ZNF420: variants seen among roughly 807,000 people sequenced by gnomAD.
The protein encoded by ZNF420 is ATM and p53-associated KZNF protein.
Under a neutral mutation model 44.7 loss-of-function variants are expected in ZNF420, and 31 were observed. That is an observed-to-expected ratio of 0.69 (90% CI 0.52 to 0.94). ZNF420 has a LOEUF of 0.94. Ranked by LOEUF, ZNF420 falls within the 40% of genes least tolerant of loss-of-function variation. The probability of loss-of-function intolerance (pLI) is 0.00; values close to 1 mark genes in which losing one functional copy is unlikely to be tolerated. For missense variants in ZNF420, 681 were observed against 827.9 expected, an observed-to-expected ratio of 0.82 and a Z score of 2.18; for synonymous variants, 245 against 267.4, an observed-to-expected ratio of 0.92 and a Z score of 0.82.
At chr19:37,099,674 A>G (rs1969653777) in intron 4 of ZNF420, among the ~76,000 whole-genome samples, 1 of 152,042 alleles carries the variant, frequency 6.6e-6, no homozygotes, top group East Asian at 1.9e-4. Context: ...CCCAGGCTGG[A>G]GTGCAGTGGT....
intron 4 of ZNF420, among the ~76,000 whole-genome samples, chr19:37,096,369 G>A (rs774427999): frequency 1.3e-5 from 2 of 152,038 alleles, no homozygotes; most frequent in Non-Finnish European, 2.9e-5. Flanking sequence ...GGGGACTCTT[G>A]TGTAATGATG....
intron 4 of ZNF420, among the ~76,000 whole-genome samples, chr19:37,125,992 CCT>C (rs1971325420): frequency 6.6e-6 from 1 of 152,148 alleles, no homozygotes; most frequent in South Asian, 2.1e-4. Flanking sequence ...AGTTTCTCCC[CCT>C]CTTAGCTTTT....
At chr19:37,113,753 C>T (rs1279746609) in intron 4 of ZNF420, among the ~76,000 whole-genome samples, 1 of 152,146 alleles carries the variant, frequency 6.6e-6, no homozygotes, top group Non-Finnish European at 1.5e-5. Flanking sequence ...ATTAGTAGTG[C>T]TCCAATTTTG....
At chr19:37,025,991 C>T (rs914218224) in intron 1 of ZNF420, among the ~76,000 whole-genome samples, 5 of 151,862 alleles carry the variant, frequency 3.3e-5, no homozygotes, top group Admixed American at 6.6e-5. Flanking sequence ...ATTTACCCAT[C>T]GATTATATAA....
At chr19:37,022,784 G>C (rs1436753115) in intron 1 of ZNF420, among the ~76,000 whole-genome samples, 1 of 152,140 alleles carries the variant, frequency 6.6e-6, no homozygotes, top group Non-Finnish European at 1.5e-5. Flanking sequence ...GAGGGGATAA[G>C]TATTATCCCC....
chr19:37,083,903 G>GAA (rs1021849827), intron 2 of ZNF420, among the ~76,000 whole-genome samples: 2 of 151,474 alleles, frequency 1.3e-5, no homozygotes, highest in Admixed American at 1.3e-4. Context: ...TTTAGAAGGA[G>GAA]AAAAAAAATC....
At chr19:37,013,696 C>G (rs932418417) in intron 1 of ZNF420, among the ~76,000 whole-genome samples, 2 of 152,156 alleles carry the variant, frequency 1.3e-5, no homozygotes, top group African/African-American at 4.8e-5. Context: ...TCCCACGGAC[C>G]TCAAGCCATG....
chr19:37,021,183 T>G (rs2074645736), intron 1 of ZNF420, among the ~76,000 whole-genome samples: 2 of 152,260 alleles, frequency 1.3e-5, no homozygotes, highest in South Asian at 4.1e-4. Flanking sequence ...CTGTACTGAC[T>G]ATTCAACTCT....
intron 1 of ZNF420, among the ~76,000 whole-genome samples, chr19:37,044,462 G>C (rs1402408702): frequency 6.6e-6 from 1 of 152,202 alleles, no homozygotes; most frequent in Non-Finnish European, 1.5e-5. Context: ...AGTAACAGAT[G>C]AGACTCTGCT....
chr19:37,104,973 C>T, intron 4 of ZNF420, among the ~76,000 whole-genome samples: 1 of 152,160 alleles, frequency 6.6e-6, no homozygotes, highest in Non-Finnish European at 1.5e-5. Flanking sequence ...TTGGTAGTTT[C>T]TTTTGCTGTG....
At chr19:37,091,499 G>T (rs777148571) in intron 4 of ZNF420, 1 of 157,456 alleles carries the variant, frequency 6.4e-6, no homozygotes, top group Non-Finnish European at 1.4e-5. Flanking sequence ...TGTTTTTTCT[G>T]ATAAAAGAGT....
chr19:37,047,096 C>T (rs1967556296), intron 1 of ZNF420, among the ~76,000 whole-genome samples: 1 of 151,522 alleles, frequency 6.6e-6, no homozygotes, highest in Non-Finnish European at 1.5e-5. Flanking sequence ...TGCTATGAGC[C>T]AACGATTATG....
intron 1 of ZNF420, among the ~76,000 whole-genome samples, chr19:37,060,714 G>C (rs138280428): frequency 0.014 from 2,064 of 152,150 alleles, 44 homozygotes; most frequent in Admixed American, 0.054. Context: ...TGTGTGGGGG[G>C]GATTGCCTAG....
chr19:37,114,343 T>C (rs1242618657), intron 4 of ZNF420, among the ~76,000 whole-genome samples: 1 of 152,198 alleles, frequency 6.6e-6, no homozygotes, highest in Non-Finnish European at 1.5e-5. Flanking sequence ...CCAGTATTGA[T>C]AGGTTACTGG....
At chr19:37,104,134 C>G (rs1188740784) in intron 4 of ZNF420, among the ~76,000 whole-genome samples, 1 of 148,032 alleles carries the variant, frequency 6.8e-6, no homozygotes, top group Non-Finnish European at 1.5e-5. Context: ...TCCCCCCTTC[C>G]CCCTCCCCCG....
intron 1 of ZNF420, among the ~76,000 whole-genome samples, chr19:37,056,373 T>G (rs553432162): frequency 2.0e-5 from 3 of 152,248 alleles, no homozygotes; most frequent in African/African-American, 7.2e-5. Context: ...CTGGACACCT[T>G]TCTTCATCTT....
chr19:37,123,032 TCCAA>T (rs1396861540), intron 4 of ZNF420, among the ~76,000 whole-genome samples: 2 of 152,192 alleles, frequency 1.3e-5, no homozygotes, highest in South Asian at 2.1e-4. Context: ...CTTCCATTGT[TCCAA>T]CCTTTCAGGC....
At chr19:37,045,647 T>A (rs1967529819) in intron 1 of ZNF420, among the ~76,000 whole-genome samples, 1 of 152,174 alleles carries the variant, frequency 6.6e-6, no homozygotes. Context: ...GGGAAAAGCA[T>A]GAAAAAGAAA....
At chr19:37,102,698 G>T (rs1033587525) in intron 4 of ZNF420, among the ~76,000 whole-genome samples, 61 of 152,282 alleles carry the variant, frequency 4.0e-4, no homozygotes, top group African/African-American at 1.4e-3. Context: ...CAAAGCTTCT[G>T]CAAAGAGACT....
Sources: gnomAD v4.1 joint callset for allele counts (sites outside exome capture counted in the v4.1 genomes callset) on GRCh38, gnomAD v4.1.1 for gene constraint, MANE v1.5 for transcripts, NCBI Gene and HGNC (gene_info 2026-07-23, HGNC 2026-07-21) for gene names.